The following ZMAT4 variants were observed in gnomAD, a reference collection of about 807,000 sequenced individuals.
ZMAT4 encodes zinc finger matrin-type protein 4.
Under a neutral mutation model 28.7 loss-of-function variants are expected in ZMAT4, and 17 were observed. The observed-to-expected ratio is 0.59, with a 90% CI of 0.41 to 0.89. ZMAT4 has a LOEUF of 0.89. ZMAT4 is among the 40% of genes least tolerant of loss of function. ZMAT4 has a pLI of 0.00. For missense variants in ZMAT4, 240 were observed against 283.8 expected (o/e 0.85, Z 1.11); for synonymous variants, 117 against 109.2 (o/e 1.07, Z -0.44).
chr8:40,696,906 C>T (rs1721318494), intron 4 of ZMAT4: 1 of 180,964 alleles, frequency 5.5e-6, no homozygotes, highest in African/African-American at 2.3e-5. Context: ...ATGATCCACA[C>T]TAATTGCAGA....
intron 2 of ZMAT4, among the ~76,000 whole-genome samples, chr8:40,780,412 T>C (rs929042133): frequency 4.6e-5 from 7 of 152,216 alleles, no homozygotes; most frequent in Non-Finnish European, 1.0e-4. Context: ...CGAACAATTG[T>C]TAAGTTGAAA....
intron 3 of ZMAT4, among the ~76,000 whole-genome samples, chr8:40,740,992 GCACACACACACACA>G (rs5891118): frequency 1.3e-5 from 2 of 148,478 alleles, no homozygotes; most frequent in Non-Finnish European, 3.0e-5. Flanking sequence ...TGATAAATGC[GCACACACACACACA>G]CACACACACA....
At chr8:40,625,931 G>A (rs1806359305) in intron 5 of ZMAT4, among the ~76,000 whole-genome samples, 1 of 152,072 alleles carries the variant, frequency 6.6e-6, no homozygotes, top group Non-Finnish European at 1.5e-5. Flanking sequence ...GGCCAACATG[G>A]AGAAACCCAT....
intron 5 of ZMAT4, among the ~76,000 whole-genome samples, chr8:40,584,284 C>T (rs951945035): frequency 2.0e-5 from 3 of 152,090 alleles, no homozygotes; most frequent in African/African-American, 7.2e-5. Flanking sequence ...CTGGAGGAGC[C>T]AGAGCAATGT....
At chr8:40,637,843 A>T (rs1479382266) in intron 5 of ZMAT4, among the ~76,000 whole-genome samples, 2 of 152,336 alleles carry the variant, frequency 1.3e-5, no homozygotes, top group Admixed American at 1.3e-4. Context: ...GAAGACTTTT[A>T]TGCCAACCTA....
chr8:40,888,967 A>G (rs546070368), intron 1 of ZMAT4, among the ~76,000 whole-genome samples: 1 of 152,356 alleles, frequency 6.6e-6, no homozygotes, highest in South Asian at 2.1e-4. Flanking sequence ...TGGAACCCCC[A>G]GAGTAGCCCA....
intron 2 of ZMAT4, among the ~76,000 whole-genome samples, 158 bp downstream of exon 2, chr8:40,825,417 T>C (rs995853044): frequency 6.6e-6 from 1 of 152,162 alleles, no homozygotes; most frequent in East Asian, 1.9e-4. Flanking sequence ...CCCACACATA[T>C]ACACTTGTCC....
At chr8:40,551,031 ATCT>A (rs1803354695) in intron 6 of ZMAT4, among the ~76,000 whole-genome samples, 1 of 152,152 alleles carries the variant, frequency 6.6e-6, no homozygotes, top group Non-Finnish European at 1.5e-5. Context: ...ATGCCATTGT[ATCT>A]ATTATGCTTC....
chr8:40,856,405 G>A (rs781578745), intron 1 of ZMAT4, among the ~76,000 whole-genome samples: 3 of 152,144 alleles, frequency 2.0e-5, no homozygotes, highest in Non-Finnish European at 2.9e-5. Flanking sequence ...GGACAGCATG[G>A]GCAAAGATGT....
At chr8:40,759,108 C>A (rs897786937) in intron 3 of ZMAT4, among the ~76,000 whole-genome samples, 16 of 151,726 alleles carry the variant, frequency 1.1e-4, no homozygotes, top group Non-Finnish European at 2.4e-4. Context: ...ATCATCAAAC[C>A]CCGTCTCTAC....
At chr8:40,833,644 C>T (rs771325842) in intron 1 of ZMAT4, among the ~76,000 whole-genome samples, 4 of 151,688 alleles carry the variant, frequency 2.6e-5, no homozygotes, top group Admixed American at 2.6e-4. Context: ...GGGAAGACGT[C>T]TGACCCCCAC....
chr8:40,881,528 C>CAGAAAGAAACGAGAAAGCA (rs1554497992), intron 1 of ZMAT4, among the ~76,000 whole-genome samples: 1 of 51,916 alleles, frequency 1.9e-5, no homozygotes, highest in African/African-American at 7.9e-5. Flanking sequence ...GAGAGAGAGA[C>CAGAAAGAAACGAGAAAGCA]AGAAAGAAAG....
intron 3 of ZMAT4, among the ~76,000 whole-genome samples, chr8:40,698,860 A>G (rs1319025121): frequency 6.6e-6 from 1 of 151,928 alleles, no homozygotes; most frequent in Non-Finnish European, 1.5e-5. Context: ...GGAGGTTGTC[A>G]GTGAGTGGAA....
At chr8:40,741,400 T>C (rs946932352) in intron 3 of ZMAT4, among the ~76,000 whole-genome samples, 4 of 151,336 alleles carry the variant, frequency 2.6e-5, no homozygotes, top group African/African-American at 9.7e-5. Context: ...TGAGCCTAAA[T>C]TGCGCTACTT....
chr8:40,655,059 T>TACACACACACAC (rs3038823), intron 5 of ZMAT4, among the ~76,000 whole-genome samples: 62,671 of 148,564 alleles, frequency 0.42, 14,243 homozygotes, highest in Non-Finnish European at 0.52. Flanking sequence ...AAGGAATACC[T>TACACACACACAC]ACACACACAC....
chr8:40,895,582 G>C (rs192601286), intron 1 of ZMAT4, among the ~76,000 whole-genome samples: 1 of 152,118 alleles, frequency 6.6e-6, no homozygotes, highest in Non-Finnish European at 1.5e-5. Context: ...GAAAGCGAGC[G>C]CTCCAGCGTG....
At chr8:40,844,675 G>GTGTGTGTGTT (rs1816820939) in intron 1 of ZMAT4, among the ~76,000 whole-genome samples, 1 of 151,516 alleles carries the variant, frequency 6.6e-6, no homozygotes, top group South Asian at 2.1e-4. Flanking sequence ...GTGTGTGTGT[G>GTGTGTGTGTT]TGTGTGTGTG....
chr8:40,884,954 T>C (rs1818404723), intron 1 of ZMAT4: 1 of 152,212 alleles, frequency 6.6e-6, no homozygotes, highest in Non-Finnish European at 1.5e-5. Flanking sequence ...TATCTGGCTC[T>C]TTAAGAAAGA....
intron 5 of ZMAT4, among the ~76,000 whole-genome samples, chr8:40,597,187 G>C (rs1404667833): frequency 6.6e-6 from 1 of 152,188 alleles, no homozygotes; most frequent in Non-Finnish European, 1.5e-5. Flanking sequence ...TAACTACTAT[G>C]AATAAGGAGA....
Sources: gnomAD v4.1 joint callset for allele counts (sites outside exome capture counted in the v4.1 genomes callset) on GRCh38, gnomAD v4.1.1 for gene constraint, MANE v1.5 for transcripts, NCBI Gene and HGNC (gene_info 2026-07-23, HGNC 2026-07-21) for gene names.